PTPRD: variants seen among roughly 807,000 people sequenced by gnomAD.
PTPRD encodes the protein protein tyrosine phosphatase receptor type D.
PTPRD carries 34 observed loss-of-function variants against 214.5 expected under a neutral mutation model. That is an observed-to-expected ratio of 0.16 (90% CI 0.12 to 0.21). The LOEUF (loss-of-function observed/expected upper bound fraction) is 0.21, where lower values mean the gene tolerates loss of function less well. Among genes scored for constraint, PTPRD ranks in the 10% least tolerant of loss-of-function variants. The pLI, the probability that PTPRD is intolerant of heterozygous loss-of-function variation, is 1.00. For missense variants in PTPRD, 2,545 were observed against 2,398.7 expected, an observed-to-expected ratio of 1.06 and a Z score of -1.27; for synonymous variants, 1,128 against 845.7, an observed-to-expected ratio of 1.33 and a Z score of -5.79.
chr9:10,465,544 T>C (rs1566243545), intron 2 of PTPRD, among the ~76,000 whole-genome samples: 1 of 152,168 alleles, frequency 6.6e-6, no homozygotes, highest in Non-Finnish European at 1.5e-5. Context: ...CATAAGATTA[T>C]ACCGGAACTG....
chr9:9,450,054 G>A (rs1162456442), intron 8 of PTPRD, among the ~76,000 whole-genome samples: 1 of 151,710 alleles, frequency 6.6e-6, no homozygotes, highest in Non-Finnish European at 1.5e-5. Context: ...CGCTGCAAAG[G>A]CCATTATTTT....
At chr9:9,333,625 A>C (rs1190692961) in intron 9 of PTPRD, among the ~76,000 whole-genome samples, 1 of 151,012 alleles carries the variant, frequency 6.6e-6, no homozygotes, top group East Asian at 1.9e-4. Context: ...TGTAAAGAAG[A>C]TCTGAAACTT....
chr9:9,683,768 G>C (rs2097118322), intron 7 of PTPRD, among the ~76,000 whole-genome samples: 1 of 151,700 alleles, frequency 6.6e-6, no homozygotes, highest in Non-Finnish European at 1.5e-5. Context: ...AGCATTGTGA[G>C]ATATAATTAT....
At chr9:8,710,096 A>G (rs1597617131) in intron 12 of PTPRD, among the ~76,000 whole-genome samples, 1 of 152,210 alleles carries the variant, frequency 6.6e-6, no homozygotes, top group East Asian at 1.9e-4. Flanking sequence ...TGCGTGAAGC[A>G]AGGTGCACGC....
intron 23 of PTPRD, among the ~76,000 whole-genome samples, chr9:8,502,420 G>A (rs2097430132): frequency 6.6e-6 from 1 of 152,050 alleles, no homozygotes; most frequent in South Asian, 2.1e-4. Context: ...CAATTGTTCA[G>A]GGGATTATCA....
Position 9,691,039 on chromosome 9 carries a change from T to C in PTPRD, c.-287+43494A>G, listed in dbSNP as rs187288021. On this transcript the variant is annotated intron_variant, in intron 7 of 45. Transcript: ENST00000381196. ...TTTTTGTGGGTACATAATAGGTGTATATACTTATGGTGTACACGAGATATT... is the reference window on the plus strand; with the variant it reads ...TTTTTGTGGGTACATAATAGGTGTACATACTTATGGTGTACACGAGATATT... 1.2e-3 allele frequency among the ~76,000 whole-genome samples: 186 copies of C among 152,012 alleles called. 1 individual carries two copies. The highest frequency in any genetic ancestry group is 4.1e-3 in the African/African-American group (169 of 41,526).
At chr9:10,382,490 T>G (rs1586789381) in intron 2 of PTPRD, among the ~76,000 whole-genome samples, 1 of 151,970 alleles carries the variant, frequency 6.6e-6, no homozygotes, top group East Asian at 1.9e-4. Flanking sequence ...TGAAGAATTA[T>G]TGAAATACAA....
intron 3 of PTPRD, among the ~76,000 whole-genome samples, chr9:10,119,877 G>C (rs1018187231): frequency 6.6e-6 from 1 of 151,972 alleles, no homozygotes; most frequent in East Asian, 1.9e-4. Flanking sequence ...GAAAACGTAG[G>C]AGGGCATGCT....
At chr9:8,350,593 T>TA (rs1191253785) in intron 39 of PTPRD, among the ~76,000 whole-genome samples, 2 of 152,238 alleles carry the variant, frequency 1.3e-5, no homozygotes, top group East Asian at 3.9e-4. Context: ...CATTCTTTGA[T>TA]AAAAATCAAC....
intron 2 of PTPRD, among the ~76,000 whole-genome samples, chr9:10,429,377 C>A (rs1368632748): frequency 6.6e-6 from 1 of 151,918 alleles, no homozygotes; most frequent in Non-Finnish European, 1.5e-5. Context: ...AAAAGAAACC[C>A]TGCAGTTTCA....
intron 2 of PTPRD, among the ~76,000 whole-genome samples, chr9:10,590,487 C>G (rs1225648324): frequency 6.6e-6 from 1 of 151,906 alleles, no homozygotes; most frequent in Non-Finnish European, 1.5e-5. Context: ...TTCTCCTCTG[C>G]CAGACAACTA....
At chr9:10,184,374 A>C (rs1283189923) in intron 3 of PTPRD, among the ~76,000 whole-genome samples, 1 of 152,120 alleles carries the variant, frequency 6.6e-6, no homozygotes, top group African/African-American at 2.4e-5. Flanking sequence ...GCAATGAGCC[A>C]AGATGGCACC....
intron 11 of PTPRD, among the ~76,000 whole-genome samples, chr9:8,803,819 G>A (rs2096619491): frequency 2.0e-5 from 3 of 151,476 alleles, no homozygotes; most frequent in Non-Finnish European, 4.4e-5. Context: ...AGAAAAATAA[G>A]GAAAAAAGCC....
At position 9,601,111 on chromosome 9, in the gene PTPRD, A is replaced by G. The variant is rs868764260; in HGVS notation, c.-286-26330T>C. ...ATACACTGGGAAAAGAGATTAATAT[A>G]TGTGTGTGTGTGTGTGTGTGTGTGT... On this transcript the variant is annotated intron_variant, in intron 7 of 45. Coordinates refer to ENST00000381196, the MANE Select transcript of PTPRD (RefSeq NM_002839.4). Among the ~76,000 whole-genome samples, 515 of 97,524 alleles carry G rather than the reference A, an allele frequency of 5.3e-3. 4 individuals carry two copies. The highest frequency in any genetic ancestry group is 0.031 in the South Asian group (65 of 2,092). 64.0% of individuals were successfully genotyped at this position (97,524 alleles called of 152,430 possible).
chr9:10,394,132 C>A (rs1345479003), intron 2 of PTPRD, among the ~76,000 whole-genome samples: 5 of 139,812 alleles, frequency 3.6e-5, no homozygotes, highest in Non-Finnish European at 4.6e-5. Context: ...ACATATATAT[C>A]TTTATATAAA....
intron 5 of PTPRD, among the ~76,000 whole-genome samples, chr9:9,870,028 G>C (rs941152416): frequency 7.2e-5 from 11 of 151,946 alleles, no homozygotes; most frequent in African/African-American, 1.9e-4. Flanking sequence ...TTATCTGTTA[G>C]GGTAGGTCCT....
intron 4 of PTPRD, among the ~76,000 whole-genome samples, chr9:10,022,769 G>T (rs1176572268): frequency 6.6e-6 from 1 of 152,042 alleles, no homozygotes; most frequent in Admixed American, 6.6e-5. Context: ...TGCTATAAAG[G>T]GGAGCCAAAA....
intron 3 of PTPRD, among the ~76,000 whole-genome samples, chr9:10,221,858 T>G (rs1471785543): frequency 3.9e-5 from 6 of 152,030 alleles, no homozygotes; most frequent in Middle Eastern, 3.4e-3. Flanking sequence ...AAACATTGAG[T>G]AGTAGACCAT....
At chr9:8,628,796 T>C (rs190246874) in intron 14 of PTPRD, among the ~76,000 whole-genome samples, 1 of 151,884 alleles carries the variant, frequency 6.6e-6, no homozygotes, top group African/African-American at 2.4e-5. Context: ...TATGTAAGAG[T>C]AGGTACACAT....
Sources: gnomAD v4.1 joint callset for allele counts (sites outside exome capture counted in the v4.1 genomes callset) on GRCh38, gnomAD v4.1.1 for gene constraint, MANE v1.5 for transcripts, NCBI Gene and HGNC (gene_info 2026-07-23, HGNC 2026-07-21) for gene names.